The following PHLPP1 variants were observed in gnomAD, a reference collection of about 807,000 sequenced individuals.
PHLPP1 encodes PH domain and leucine rich repeat protein phosphatase 1.
A neutral mutation model predicts 117.2 loss-of-function variants in PHLPP1; 42 were observed. The observed-to-expected ratio is 0.36, with a 90% CI of 0.28 to 0.46. The LOEUF (loss-of-function observed/expected upper bound fraction) is 0.46. Among genes scored for constraint, PHLPP1 ranks in the 20% least tolerant of loss-of-function variants. PHLPP1 has a pLI of 1.00. For synonymous variants in PHLPP1, 1,042 were observed against 970.7 expected (o/e 1.07, Z -1.37); for missense variants, 2,084 against 2,241.9 (o/e 0.93, Z 1.42).
intron 1 of PHLPP1, among the ~76,000 whole-genome samples, chr18:62,737,617 A>G (rs553612892): frequency 5.4e-4 from 82 of 152,324 alleles, no homozygotes; most frequent in African/African-American, 1.6e-3. Flanking sequence ...GAAGGAAAGC[A>G]TGCAGTGCTG....
At chr18:62,931,597 A>G in intron 10 of PHLPP1, among the ~76,000 whole-genome samples, 1 of 105,506 alleles carries the variant, frequency 9.5e-6, no homozygotes, top group South Asian at 2.7e-4. Flanking sequence ...TCGCTAGATT[A>G]ACAAAAAAAA....
In PHLPP1 at chr18:62,727,285, T is replaced by C. The variant is rs1460956261; in HGVS notation, c.1576+10026T>C. ...TAACAAATTGTTCGCACATTTTAAT[T>C]GAATAACTGTGTTCTTTCTTCACTG... On this transcript the variant is annotated intron_variant, in intron 1 of 16. Coordinates refer to ENST00000262719, the MANE Select transcript of PHLPP1 (RefSeq NM_194449.4). Among the ~76,000 whole-genome samples, 5 of 151,282 alleles carry C rather than the reference T, an allele frequency of 3.3e-5. No homozygotes were observed. The East Asian group carries it at 9.8e-4, about 30-fold the overall frequency.
rs567219583 is a variant in PHLPP1 at position 62,897,009 on chromosome 18, CTT to C, written c.2444+1000_2444+1001del. 2.5e-3 allele frequency among the ~76,000 whole-genome samples: 387 copies of C among 152,296 alleles called. 2 individuals carry two copies. Among genetic ancestry groups the C allele is most frequent in the African/African-American group, 9.0e-3 (374 of 41,566 alleles). ...GTGACAAGATAAGGAACTCTAAACA[CTT>C]TGTTAACTTGCTTTCTAAATTGTTA... On this transcript the variant is annotated intron_variant, in intron 6 of 16. Transcript: ENST00000262719.
intron 10 of PHLPP1, among the ~76,000 whole-genome samples, chr18:62,922,382 C>G (rs1027878140): frequency 6.6e-6 from 1 of 152,186 alleles, no homozygotes; most frequent in Non-Finnish European, 1.5e-5. Context: ...AGTGATCCAC[C>G]CGCCTTGGCC....
At chr18:62,822,440 C>T (rs1187948001) in intron 1 of PHLPP1, among the ~76,000 whole-genome samples, 2 of 151,714 alleles carry the variant, frequency 1.3e-5, no homozygotes, top group African/African-American at 2.4e-5. Flanking sequence ...CGCCACCACG[C>T]CCAGCTATTT....
Position 62,978,599 on chromosome 18 carries a change from C to A in PHLPP1, c.4322C>A (p.Pro1441Gln), listed in dbSNP as rs1025773459. 3.1e-6 allele frequency: 5 copies of A among 1,613,582 alleles called. No homozygotes were observed. The African/African-American group carries it at 5.3e-5, about 17-fold the overall frequency. Residue 1441 changes from proline (P) to glutamine (Q), a missense_variant, in exon 17 of 17, where the codon CCA (proline) becomes CAA (glutamine). Physicochemically the swap from Pro to Gln is moderately conservative, Grantham distance 76. Coordinates refer to ENST00000262719, the MANE Select transcript of PHLPP1 (RefSeq NM_194449.4). This position sits in a 1 kb window ranked among gnomAD's most constrained non-coding sequence, Gnocchi z 7.0. Reference sequence around the variant, plus strand: ...GAGCTCAGCGCCGGTGGGGCTGTGCCACCACCCAGTCCTGGCATCTTTCCT... The same window carrying A: ...GAGCTCAGCGCCGGTGGGGCTGTGCAACCACCCAGTCCTGGCATCTTTCCT... The part of the protein sequence containing the change: ...CCELSAGGAV[P>Q]PPSPGIFPPS...
chr18:62,813,677 C>T (rs1317257509), intron 1 of PHLPP1, among the ~76,000 whole-genome samples: 1 of 152,156 alleles, frequency 6.6e-6, no homozygotes, highest in Non-Finnish European at 1.5e-5. Context: ...ATCTCACGCT[C>T]CTGCCCAGAA....
intron 3 of PHLPP1, among the ~76,000 whole-genome samples, chr18:62,853,352 CT>C (rs368635124): frequency 2.0e-3 from 283 of 141,668 alleles, no homozygotes; most frequent in African/African-American, 1.7e-3. Flanking sequence ...TTTCTTTTTT[CT>C]TTTTTTTTTT....
In PHLPP1 at chr18:62,979,243, G is replaced by C. The variant is rs1285185213; in HGVS notation, c.4966G>C (p.Ala1656Pro). Residue 1656 changes from alanine to proline, a missense_variant, in exon 17 of 17, where the codon GCT becomes CCT. By Grantham distance (27) the Ala-to-Pro change is conservative. Coordinates refer to ENST00000262719, the MANE Select transcript of PHLPP1 (RefSeq NM_194449.4). ...RKPGGYFAAP[A>P]QPDPDDQFII... is the part of the protein sequence containing the mutation. Reference sequence around the variant, plus strand: ...GCCTGGAGGCTATTTTGCTGCCCCGGCTCAGCCGGATCCTGATGATCAGTT... The same window carrying C: ...GCCTGGAGGCTATTTTGCTGCCCCGCCTCAGCCGGATCCTGATGATCAGTT... The C allele has an allele frequency of 6.3e-7, 1 of 1,593,362 alleles. No homozygotes were observed. Among genetic ancestry groups the C allele is most frequent in the Non-Finnish European group, 8.5e-7 (1 of 1,169,614 alleles).
chr18:62,920,876 A>G (rs530470640), intron 10 of PHLPP1, among the ~76,000 whole-genome samples: 46 of 152,236 alleles, frequency 3.0e-4, no homozygotes, highest in South Asian at 1.7e-3. Flanking sequence ...TGTTTTTTAA[A>G]CAGTCCTTCT....
chr18:62,897,500 GT>G (rs1307901234), intron 6 of PHLPP1, among the ~76,000 whole-genome samples: 1 of 152,046 alleles, frequency 6.6e-6, no homozygotes, highest in Non-Finnish European at 1.5e-5. Context: ...GTTGTTTATT[GT>G]TTTTGTTTTT....
rs566680328 is a variant in PHLPP1, at chr18:62,975,436, T to C, written c.3795T>C (p.Ala1265=). 1.2e-6 allele frequency: 2 copies of C among 1,613,766 alleles called. No individual in the cohort carries two copies. The highest frequency in any genetic ancestry group is 1.3e-5 in the African/African-American group (1 of 74,918). ...GTAGQKLGGA[A]VLCHIKHDPV... Reference sequence around the variant, plus strand: ...CTGGGCAGAAGCTTGGTGGTGCCGCTGTCCTTTGTCATATCAAGCATGACC... The same window carrying C: ...CTGGGCAGAAGCTTGGTGGTGCCGCCGTCCTTTGTCATATCAAGCATGACC... The change falls in exon 16 of 17, where the codon GCT becomes GCC. Residue 1265 remains alanine, a synonymous_variant. Transcript: ENST00000262719.
chr18:62,783,320 T>C (rs539923062), intron 1 of PHLPP1, among the ~76,000 whole-genome samples: 267 of 150,842 alleles, frequency 1.8e-3, no homozygotes, highest in African/African-American at 6.3e-3. Context: ...CTCTGCCTCC[T>C]GGGTTCACGC....
intron 1 of PHLPP1, among the ~76,000 whole-genome samples, chr18:62,798,629 T>A (rs1378035605): frequency 2.0e-5 from 3 of 152,220 alleles, no homozygotes; most frequent in African/African-American, 7.2e-5. Flanking sequence ...TAGGCCTGCT[T>A]TGACAACTCT....
intron 1 of PHLPP1, among the ~76,000 whole-genome samples, chr18:62,760,826 C>T (rs533536840): frequency 2.0e-4 from 31 of 152,244 alleles, no homozygotes; most frequent in South Asian, 1.0e-3. Context: ...ACAGTGATAC[C>T]TCTTGGAATG....
intron 2 of PHLPP1, among the ~76,000 whole-genome samples, chr18:62,836,476 TAAATAAATA>T (rs1364633592): frequency 2.2e-3 from 238 of 110,672 alleles, no homozygotes; most frequent in African/African-American, 8.5e-3. Context: ...AATAAATAAA[TAAATAAATA>T]AAAATAAATT....
chr18:62,787,733 T>G (rs983938857), intron 1 of PHLPP1, among the ~76,000 whole-genome samples: 1 of 152,208 alleles, frequency 6.6e-6, no homozygotes, highest in Non-Finnish European at 1.5e-5. Flanking sequence ...ATTTCACTGG[T>G]CTACGTAAAT....
intron 14 of PHLPP1, among the ~76,000 whole-genome samples, chr18:62,966,828 C>A (rs1910918826): frequency 6.6e-6 from 1 of 152,164 alleles, no homozygotes; most frequent in Non-Finnish European, 1.5e-5. Context: ...AGGTTATAGA[C>A]CAGTTCCTTC....
chr18:62,858,205 T>C (rs1410598300), intron 3 of PHLPP1, among the ~76,000 whole-genome samples: 4 of 152,150 alleles, frequency 2.6e-5, no homozygotes, highest in Non-Finnish European at 4.4e-5. Context: ...AGTATACCTT[T>C]AGCTTTCATG....
Sources: gnomAD v4.1 joint callset for allele counts (sites outside exome capture counted in the v4.1 genomes callset) on GRCh38, gnomAD v4.1.1 for gene constraint, Gnocchi (gnomAD v3.1) non-coding constraint, MANE v1.5 for transcripts, NCBI Gene and HGNC (gene_info 2026-07-23, HGNC 2026-07-21) for gene names.